Variants in CNTNAP2 observed in about 807,000 individuals in gnomAD.
CNTNAP2 encodes the protein contactin-associated protein-like 2.
Under a neutral mutation model 155.2 loss-of-function variants are expected in CNTNAP2, and 98 were observed. The observed-to-expected ratio is 0.63, with a 90% CI of 0.54 to 0.75. The LOEUF (loss-of-function observed/expected upper bound fraction) is 0.75, where lower values mean the gene tolerates loss of function less well. Among genes scored for constraint, CNTNAP2 ranks in the 30% least tolerant of loss-of-function variants. The probability of loss-of-function intolerance (pLI) is 0.00; values close to 1 mark genes in which losing one functional copy is unlikely to be tolerated. For missense variants in CNTNAP2, 1,727 were observed against 1,688.1 expected, an observed-to-expected ratio of 1.02 and a Z score of -0.40; for synonymous variants, 651 against 631.2, an observed-to-expected ratio of 1.03 and a Z score of -0.47.
intron 2 of CNTNAP2, among the ~76,000 whole-genome samples, chr7:146,797,699 C>A (rs1231854984): frequency 6.6e-6 from 1 of 152,188 alleles, no homozygotes; most frequent in Admixed American, 6.5e-5. Context: ...TGCTGCAGAA[C>A]AAGCTACCAC....
intron 3 of CNTNAP2, among the ~76,000 whole-genome samples, chr7:146,936,667 T>G (rs188512593): frequency 5.8e-4 from 89 of 152,334 alleles, no homozygotes; most frequent in African/African-American, 2.0e-3. Context: ...CTTAGAAGTA[T>G]GGGATTGTCA....
chr7:147,451,442 A>G (rs1380062607), intron 10 of CNTNAP2, among the ~76,000 whole-genome samples: 1 of 152,192 alleles, frequency 6.6e-6, no homozygotes, highest in Admixed American at 6.5e-5. Context: ...CAACTGGTGT[A>G]GTTATCTTAC....
chr7:146,892,584 A>G (rs566408160), intron 3 of CNTNAP2, among the ~76,000 whole-genome samples: 6 of 152,314 alleles, frequency 3.9e-5, no homozygotes, highest in African/African-American at 1.4e-4. Context: ...TTTAGCCAAC[A>G]TGCATCAAAT....
At chr7:146,874,758 A>G (rs572239497) in intron 3 of CNTNAP2, among the ~76,000 whole-genome samples, 18 of 152,334 alleles carry the variant, frequency 1.2e-4, no homozygotes, top group Middle Eastern at 3.4e-3. Flanking sequence ...GATTCTTTCA[A>G]TAAAATTGTA....
intron 10 of CNTNAP2, among the ~76,000 whole-genome samples, chr7:147,420,744 A>T (rs1191115276): frequency 1.3e-5 from 2 of 152,194 alleles, no homozygotes; most frequent in African/African-American, 4.8e-5. Flanking sequence ...TGACATTAAA[A>T]AATACTTGTC....
At chr7:146,773,585 G>A (rs943819826) in intron 1 of CNTNAP2, among the ~76,000 whole-genome samples, 1 of 152,038 alleles carries the variant, frequency 6.6e-6, no homozygotes, top group East Asian at 1.9e-4. Context: ...AGTAGAGATG[G>A]GGTTTCTCCT....
intron 8 of CNTNAP2, among the ~76,000 whole-genome samples, chr7:147,279,878 TA>T (rs1308271636): frequency 3.3e-5 from 5 of 151,834 alleles, no homozygotes; most frequent in African/African-American, 1.2e-4. Flanking sequence ...AGTAGGGATT[TA>T]TTAGGATGTT....
intron 9 of CNTNAP2, among the ~76,000 whole-genome samples, chr7:147,392,194 A>C (rs1796730746): frequency 6.6e-6 from 1 of 152,104 alleles, no homozygotes; most frequent in African/African-American, 2.4e-5. Context: ...AAGTCATTAC[A>C]GCTCCTCAAG....
At chr7:148,285,790 G>A (rs766245950) in intron 21 of CNTNAP2, among the ~76,000 whole-genome samples, 62 of 152,294 alleles carry the variant, frequency 4.1e-4, no homozygotes, top group Middle Eastern at 6.8e-3. Context: ...GACCCTGAGA[G>A]ATAGGCATAG....
At chr7:146,579,636 A>G (rs893228728) in intron 1 of CNTNAP2, among the ~76,000 whole-genome samples, 4 of 152,106 alleles carry the variant, frequency 2.6e-5, no homozygotes, top group Non-Finnish European at 5.9e-5. Flanking sequence ...AAAGATATGT[A>G]GTTCATCATT....
At chr7:146,330,574 T>A (rs983619837) in intron 1 of CNTNAP2, among the ~76,000 whole-genome samples, 1 of 152,204 alleles carries the variant, frequency 6.6e-6, no homozygotes, top group Non-Finnish European at 1.5e-5. Context: ...TTTTATTTTA[T>A]TTAAAGTGCT....
intron 16 of CNTNAP2, among the ~76,000 whole-genome samples, chr7:148,118,720 T>C (rs1173183228): frequency 6.6e-6 from 1 of 151,674 alleles, no homozygotes; most frequent in Non-Finnish European, 1.5e-5. Context: ...TCCGTGTGAG[T>C]TCAGGAGGCC....
At chr7:146,163,483 C>CTATCTA (rs1325633979) in intron 1 of CNTNAP2, among the ~76,000 whole-genome samples, 4 of 142,958 alleles carry the variant, frequency 2.8e-5, no homozygotes, top group Non-Finnish European at 6.0e-5. Flanking sequence ...CTATATATAT[C>CTATCTA]TATCTATATC....
At chr7:147,985,142 ATAAAT>A (rs1177650943) in intron 15 of CNTNAP2, among the ~76,000 whole-genome samples, 2 of 150,208 alleles carry the variant, frequency 1.3e-5, no homozygotes, top group East Asian at 3.9e-4. Flanking sequence ...AAATAAATAA[ATAAAT>A]AACTATTTAC....
Position 147,574,490 on chromosome 7 carries a change from G to C in CNTNAP2, c.1897+12233G>C, listed in dbSNP as rs1052471066. On this transcript the variant is annotated intron_variant, in intron 12 of 23. Transcript: ENST00000361727. ...ATAGCTCTTCCTTTTATTCTCAGTA[G>C]TGTCCTTGTTTGGATGATAAATTAT... Among the ~76,000 whole-genome samples, 5 of 152,084 alleles carry C rather than the reference G, an allele frequency of 3.3e-5. No homozygotes were observed. In the South Asian group the frequency reaches 8.3e-4, roughly 25 times the overall value.
Position 147,871,740 on chromosome 7 carries a change from C to T in CNTNAP2, c.2099-31825C>T, listed in dbSNP as rs543201703. Among the ~76,000 whole-genome samples, 3 of 151,718 alleles carry T rather than the reference C, an allele frequency of 2.0e-5. No individual in the cohort carries two copies. In the South Asian group the frequency reaches 6.3e-4, roughly 32 times the overall value. On this transcript the variant is annotated intron_variant, in intron 13 of 23. Transcript: ENST00000361727. ...CCTGCCCTATTACTCCTCCAAAGCACACATGCTATCCACTCTTCTTCACTT... is the reference window on the plus strand; with the variant it reads ...CCTGCCCTATTACTCCTCCAAAGCATACATGCTATCCACTCTTCTTCACTT...
intron 1 of CNTNAP2, among the ~76,000 whole-genome samples, chr7:146,146,919 C>T (rs1797965901): frequency 6.6e-6 from 1 of 152,132 alleles, no homozygotes; most frequent in African/African-American, 2.4e-5. Context: ...GTGAATGATT[C>T]ACTAATGGTG....
chr7:147,456,970 T>C (rs1225088611), intron 10 of CNTNAP2, among the ~76,000 whole-genome samples: 1 of 152,206 alleles, frequency 6.6e-6, no homozygotes, highest in African/African-American at 2.4e-5. Flanking sequence ...TCAATAACTA[T>C]TCCACTAAGA....
chr7:147,202,852 A>T (rs199819685), intron 8 of CNTNAP2, among the ~76,000 whole-genome samples: 6 of 43,926 alleles, frequency 1.4e-4, no homozygotes, highest in South Asian at 1.4e-3. Flanking sequence ...AAGTATAATT[A>T]AAAAAAAATA....
Sources: allele counts gnomAD v4.1 joint callset (sites outside exome capture counted in the v4.1 genomes callset), GRCh38; gene constraint gnomAD v4.1.1; transcripts MANE v1.5; gene names NCBI Gene and HGNC (gene_info 2026-07-23, HGNC 2026-07-21).